Variants in GLRB observed in about 807,000 individuals in gnomAD.
GLRB encodes the protein glycine receptor subunit beta.
GLRB carries 33 observed loss-of-function variants against 54.2 expected under a neutral mutation model. The ratio of observed to expected loss-of-function variants is 0.61; its 90% CI spans 0.46 to 0.81. The LOEUF (loss-of-function observed/expected upper bound fraction) is 0.81, where lower values mean the gene tolerates loss of function less well. GLRB is among the 40% of genes least tolerant of loss of function. GLRB has a pLI of 0.00. For synonymous variants in GLRB, 209 were observed against 208.2 expected, an observed-to-expected ratio of 1.00 and a Z score of -0.03; for missense variants, 572 against 584.6, an observed-to-expected ratio of 0.98 and a Z score of 0.22.
intron 2 of GLRB, among the ~76,000 whole-genome samples, chr4:157,111,952 C>T (rs188916248): frequency 9.3e-4 from 141 of 151,968 alleles, no homozygotes; most frequent in African/African-American, 3.1e-3. Context: ...TCCTTGAGTT[C>T]TGTTGGTGCC....
rs564220346 is a variant in GLRB, at chr4:157,115,636, G to T, written c.123-4920G>T. 2.4e-4 allele frequency among the ~76,000 whole-genome samples: 36 copies of T among 151,850 alleles called. No homozygotes were observed. In the South Asian group the frequency reaches 6.0e-3, roughly 25 times the overall value. ...TCCATGAAGAATTTCTTAACTTGTG[G>T]TCTACTCGTCCAGGAACCCTCAGAA... On this transcript the variant is annotated intron_variant, in intron 2 of 9. Transcript: ENST00000264428.
intron 9 of GLRB, among the ~76,000 whole-genome samples, chr4:157,160,685 T>C (rs1737447232): frequency 1.3e-5 from 2 of 152,268 alleles, no homozygotes; most frequent in South Asian, 4.2e-4. Context: ...GATTGCACTG[T>C]GGTCTGAGAG....
chr4:157,163,437 G>A lies in GLRB; in HGVS notation c.1198-6995G>A, dbSNP rs543500182. On this transcript the variant is annotated intron_variant, in intron 9 of 9. Transcript: ENST00000264428. Reference sequence around the variant, plus strand: ...GGGTAGACTGGAGCTGTTCCTATTTGGCCATCTTGGAACCTATGATCATCA... The same window carrying A: ...GGGTAGACTGGAGCTGTTCCTATTTAGCCATCTTGGAACCTATGATCATCA... Among the ~76,000 whole-genome samples, 95 of 152,098 alleles carry A rather than the reference G, an allele frequency of 6.2e-4. 1 individual carries two copies. Among genetic ancestry groups the A allele is most frequent in the Admixed American group, 4.6e-3 (71 of 15,274 alleles).
chr4:157,158,388 A>G (rs533853854), intron 9 of GLRB, among the ~76,000 whole-genome samples: 10 of 152,116 alleles, frequency 6.6e-5, no homozygotes, highest in Non-Finnish European at 1.5e-4. Context: ...TTGGCGTTTT[A>G]GTCATGAAGT....
At chr4:157,145,620 A>G (rs908136753) in intron 8 of GLRB, among the ~76,000 whole-genome samples, 16 of 152,206 alleles carry the variant, frequency 1.1e-4, no homozygotes, top group Non-Finnish European at 2.2e-4. Context: ...AATAGTTAAT[A>G]AAATGCATTA....
chr4:157,158,407 G>A (rs768978543), intron 9 of GLRB, among the ~76,000 whole-genome samples: 4 of 152,048 alleles, frequency 2.6e-5, no homozygotes, highest in Non-Finnish European at 4.4e-5. Flanking sequence ...GTCCTTGCTC[G>A]TGCCTATGTC....
At chr4:157,138,312 G>A (rs983171236) in intron 6 of GLRB, among the ~76,000 whole-genome samples, 1 of 152,122 alleles carries the variant, frequency 6.6e-6, no homozygotes, top group Non-Finnish European at 1.5e-5. Flanking sequence ...CTGACCTCGT[G>A]ATCCACCCGC....
chr4:157,156,690 T>A (rs1220449468), intron 9 of GLRB, among the ~76,000 whole-genome samples: 1 of 152,220 alleles, frequency 6.6e-6, no homozygotes, highest in African/African-American at 2.4e-5. Context: ...TTTTTTCATT[T>A]GTTCCAATCA....
chr4:157,148,463 G>T (rs1046767878), intron 8 of GLRB, among the ~76,000 whole-genome samples: 1 of 151,944 alleles, frequency 6.6e-6, no homozygotes, highest in African/African-American at 2.4e-5. Context: ...TCAGACAATT[G>T]GTTTTAGATC....
intron 4 of GLRB, among the ~76,000 whole-genome samples, chr4:157,125,923 A>G (rs559753028): frequency 1.9e-4 from 29 of 151,992 alleles, no homozygotes; most frequent in Admixed American, 1.5e-3. Flanking sequence ...AAGTCTTAAC[A>G]TTTAAAAAGC....
chr4:157,138,422 A>G (rs1560963956), intron 6 of GLRB, among the ~76,000 whole-genome samples: 1 of 152,196 alleles, frequency 6.6e-6, no homozygotes, highest in Non-Finnish European at 1.5e-5. Flanking sequence ...TTTCTTTTAA[A>G]AATCCCAGGG....
intron 2 of GLRB, among the ~76,000 whole-genome samples, chr4:157,086,924 G>A (rs1249056711): frequency 6.6e-6 from 1 of 152,006 alleles, no homozygotes; most frequent in African/African-American, 2.4e-5. Context: ...TCCCTTTTGT[G>A]CATACTTGAT....
chr4:157,164,650 A>T (rs1737643427), intron 9 of GLRB, among the ~76,000 whole-genome samples: 1 of 152,190 alleles, frequency 6.6e-6, no homozygotes, highest in South Asian at 2.1e-4. Context: ...TTACTACATT[A>T]AATTAAATGT....
chr4:157,136,886 TGTACGTAA>T lies in GLRB; in HGVS notation c.610+1_610+8del. On this transcript the variant is annotated splice_donor_variant and splice_donor_5th_base_variant and intron_variant, in intron 6 of 9. Coordinates refer to ENST00000264428, the MANE Select transcript of GLRB (RefSeq NM_000824.5). LOFTEE classifies it high-confidence loss of function. Reference sequence around the variant, plus strand: ...ACGTTGCAAGATGCAACTGGAGAGCTGTACGTAAATGAGAACATAATTGATTATGAAAA... The same window carrying T: ...ACGTTGCAAGATGCAACTGGAGAGCTATGAGAACATAATTGATTATGAAAA... 6.5e-7 allele frequency: 1 copy of T among 1,541,616 alleles called. No homozygotes were observed. Among genetic ancestry groups the T allele is most frequent in the Non-Finnish European group, 9.0e-7 (1 of 1,113,926 alleles).
intron 2 of GLRB, among the ~76,000 whole-genome samples, chr4:157,117,064 G>C (rs1038788422): frequency 6.6e-6 from 1 of 151,664 alleles, no homozygotes; most frequent in African/African-American, 2.4e-5. Context: ...GTGGAGAGTT[G>C]AAAAACATTT....
chr4:157,156,674 G>A (rs1737239800), intron 9 of GLRB, among the ~76,000 whole-genome samples: 4 of 151,976 alleles, frequency 2.6e-5, no homozygotes, highest in Non-Finnish European at 4.4e-5. Context: ...TTTGGTATGT[G>A]TGTATTTTTT....
At chr4:157,168,033 G>A (rs953710721) in intron 9 of GLRB, among the ~76,000 whole-genome samples, 5 of 152,186 alleles carry the variant, frequency 3.3e-5, no homozygotes, top group African/African-American at 7.2e-5. Flanking sequence ...CCTCCCACTA[G>A]GCCCCACCTC....
At position 157,100,482 on chromosome 4, in the gene GLRB, C is replaced by G. The variant is rs568048512; in HGVS notation, c.123-20074C>G. On this transcript the variant is annotated intron_variant, in intron 2 of 9. Coordinates refer to ENST00000264428, the MANE Select transcript of GLRB (RefSeq NM_000824.5). ...GTGCCAGTAACACACTCCCCTATTACTAAGGCTGAATGCCTAGTAGGGTAT... is the reference window on the plus strand; with the variant it reads ...GTGCCAGTAACACACTCCCCTATTAGTAAGGCTGAATGCCTAGTAGGGTAT... Among the ~76,000 whole-genome samples the G allele has an allele frequency of 1.6e-3, 239 of 152,282 alleles. 1 individual carries two copies. Among genetic ancestry groups the G allele is most frequent in the African/African-American group, 5.5e-3 (228 of 41,572 alleles).
chr4:157,092,609 G>C (rs946842868), intron 2 of GLRB, among the ~76,000 whole-genome samples: 10 of 152,178 alleles, frequency 6.6e-5, no homozygotes, highest in African/African-American at 2.4e-4. Context: ...TAAACTCAGA[G>C]TGTTAGGTCT....
Sources: gnomAD v4.1 joint callset for allele counts (sites outside exome capture counted in the v4.1 genomes callset) on GRCh38, gnomAD v4.1.1 for gene constraint, MANE v1.5 for transcripts, NCBI Gene and HGNC (gene_info 2026-07-23, HGNC 2026-07-21) for gene names.